The following BAZ2B variants were observed in gnomAD, a reference collection of about 807,000 sequenced individuals.
The protein encoded by BAZ2B is bromodomain adjacent to zinc finger domain protein 2B.
A neutral mutation model predicts 246.0 loss-of-function variants in BAZ2B; 91 were observed. That is an observed-to-expected ratio of 0.37 (90% confidence interval 0.31 to 0.44). The LOEUF (loss-of-function observed/expected upper bound fraction) is 0.44, where lower values mean the gene tolerates loss of function less well. Ranked by LOEUF, BAZ2B falls within the 20% of genes least tolerant of loss-of-function variation. The probability of loss-of-function intolerance (pLI) is 1.00; values close to 1 mark genes in which losing one functional copy is unlikely to be tolerated. For synonymous variants in BAZ2B, 855 were observed against 860.0 expected, an observed-to-expected ratio of 0.99 and a Z score of 0.10; for missense variants, 2,332 against 2,533.7, an observed-to-expected ratio of 0.92 and a Z score of 1.71.
the BAZ2B span, among the ~76,000 whole-genome samples, chr2:159,676,973 T>TAC: frequency 8.0e-6 from 1 of 124,992 alleles, no homozygotes; most frequent in Non-Finnish European, 1.8e-5. Flanking sequence ...TATATATATA[T>TAC]ATATATATAT....
intron 35 of BAZ2B, among the ~76,000 whole-genome samples, 157 bp from the exon 36 acceptor site, chr2:159,325,111 TATATTTTATATATATATATATA>T (rs2063455545): frequency 9.0e-4 from 2 of 2,218 alleles, no homozygotes; most frequent in Non-Finnish European, 1.6e-3. Flanking sequence ...TATATATATA[TATATTTTATATATATATATATA>T]TATATATATA....
At chr2:159,360,526 C>T (rs1272886198) in intron 27 of BAZ2B, among the ~76,000 whole-genome samples, 2 of 152,012 alleles carry the variant, frequency 1.3e-5, no homozygotes, top group Non-Finnish European at 2.9e-5. Context: ...GGCCATATTG[C>T]CCAAAGTAAT....
chr2:159,332,714 T>C (rs1006649754), intron 33 of BAZ2B, 28 bp from the exon 34 acceptor site: 1 of 1,610,960 alleles, frequency 6.2e-7, no homozygotes, highest in Non-Finnish European at 8.5e-7. Flanking sequence ...TCATTTAAAA[T>C]TAACGCTCTG....
intron 3 of BAZ2B, among the ~76,000 whole-genome samples, chr2:159,476,241 C>T (rs2078532800): frequency 6.6e-6 from 1 of 151,816 alleles, no homozygotes; most frequent in African/African-American, 2.4e-5. Context: ...TAAACATGGA[C>T]TACAACACTG....
At chr2:159,344,006 C>T (rs1203715335) in intron 31 of BAZ2B, among the ~76,000 whole-genome samples, 2 of 120,224 alleles carry the variant, frequency 1.7e-5, no homozygotes, top group South Asian at 2.6e-4. Context: ...AGAGCCTGGG[C>T]GACAGAACAA....
chr2:159,517,291 T>G (rs550224759), intron 2 of BAZ2B, among the ~76,000 whole-genome samples: 2 of 152,174 alleles, frequency 1.3e-5, no homozygotes, highest in African/African-American at 4.8e-5. Flanking sequence ...AAACTAAGTT[T>G]CTTTGTCCAT....
At chr2:159,546,159 C>T (rs575269984) in intron 2 of BAZ2B, among the ~76,000 whole-genome samples, 1 of 152,206 alleles carries the variant, frequency 6.6e-6, no homozygotes, top group South Asian at 2.1e-4. Context: ...GGCTGCGTCC[C>T]TGTCCAAATC....
intron 1 of BAZ2B, among the ~76,000 whole-genome samples, chr2:159,613,763 T>C (rs995298304): frequency 1.3e-5 from 2 of 152,174 alleles, no homozygotes; most frequent in African/African-American, 4.8e-5. Context: ...GAACCATCTG[T>C]TCTATGTGCT....
chr2:159,414,238 A>C (rs1010681218), intron 13 of BAZ2B, among the ~76,000 whole-genome samples: 6 of 152,204 alleles, frequency 3.9e-5, no homozygotes, highest in African/African-American at 1.2e-4. Flanking sequence ...ACAGAGATAG[A>C]GAGCAGAATG....
rs1425263437 is a variant in BAZ2B at position 159,385,221 on chromosome 2, G to A, written c.3620C>T (p.Pro1207Leu). 1.2e-6 allele frequency: 2 copies of A among 1,613,472 alleles called. No individual in the cohort carries two copies. Among genetic ancestry groups the A allele is most frequent in the African/African-American group, 2.7e-5 (2 of 74,882 alleles). The change falls in exon 23 of 37, where the codon CCA becomes CTA. Residue 1207 changes from proline (P) to leucine (L), a missense_variant. Around this residue, in one of 9 missense-constraint regions of BAZ2B, gnomAD observed 328 missense variants for 410.4 expected, o/e 0.80. Transcript: ENST00000392783. ...AGCCAGGACTGAAGCTTTCTGTGCT[G>A]GAGTGTGAGCCTGAAAAGCTTTGGT... ...LKTKAFQAHT[P>L]AQKASVLAFL...
At chr2:159,418,232 T>C (rs910289432) in intron 13 of BAZ2B, among the ~76,000 whole-genome samples, 2 of 152,234 alleles carry the variant, frequency 1.3e-5, no homozygotes, top group Non-Finnish European at 2.9e-5. Flanking sequence ...AAGAAAATAT[T>C]TCTTTTTAGT....
chr2:159,608,174 A>G (rs1339706659), intron 1 of BAZ2B, among the ~76,000 whole-genome samples: 2 of 152,198 alleles, frequency 1.3e-5, no homozygotes, highest in African/African-American at 4.8e-5. Context: ...CAGGAGTTCA[A>G]GAGTAACCTG....
In BAZ2B at chr2:159,411,074, C is replaced by T. The variant is rs184662997; in HGVS notation, c.2677+1261G>A. Among the ~76,000 whole-genome samples, 51 of 152,226 alleles carry T rather than the reference C, an allele frequency of 3.4e-4. No homozygotes were observed. The East Asian group carries it at 6.9e-3, about 21-fold the overall frequency. ...TCTCACTCTGTCAGCCAGGCTGAAGCGCAGTGGCATGATCATAGCTCACTG... is the reference window on the plus strand; with the variant it reads ...TCTCACTCTGTCAGCCAGGCTGAAGTGCAGTGGCATGATCATAGCTCACTG... On this transcript the variant is annotated intron_variant, in intron 14 of 36. Coordinates refer to ENST00000392783, the MANE Select transcript of BAZ2B (RefSeq NM_013450.4).
At chr2:159,394,081 G>A (rs1214217683) in intron 20 of BAZ2B, among the ~76,000 whole-genome samples, 2 of 151,558 alleles carry the variant, frequency 1.3e-5, no homozygotes, top group Non-Finnish European at 1.5e-5. Flanking sequence ...TTTCCTCCCT[G>A]CCAAGAAAAA....
the BAZ2B span, among the ~76,000 whole-genome samples, chr2:159,625,905 T>A: frequency 6.6e-6 from 1 of 152,016 alleles, no homozygotes; most frequent in African/African-American, 2.4e-5. Flanking sequence ...TCAAGACCCA[T>A]TGGTGTGCTG....
chr2:159,673,842 C>G, the BAZ2B span, among the ~76,000 whole-genome samples: 2 of 151,786 alleles, frequency 1.3e-5, no homozygotes, highest in African/African-American at 4.8e-5. Context: ...CGCACACACA[C>G]AGAATGAAAA....
chr2:159,366,694 T>A (rs1185892390), intron 27 of BAZ2B, among the ~76,000 whole-genome samples: 1 of 152,228 alleles, frequency 6.6e-6, no homozygotes. Context: ...ATGAGTAATA[T>A]TAGAGAATTG....
chr2:159,666,681 C>T, the BAZ2B span, among the ~76,000 whole-genome samples: 2 of 152,038 alleles, frequency 1.3e-5, no homozygotes, highest in African/African-American at 4.8e-5. Flanking sequence ...CACAACAAAA[C>T]CCCGTCTCTA....
chr2:159,594,135 G>A (rs1243441955), intron 1 of BAZ2B, among the ~76,000 whole-genome samples: 2 of 152,170 alleles, frequency 1.3e-5, no homozygotes, highest in East Asian at 3.8e-4. Context: ...CGGGCGCGGT[G>A]GCTCACTCCT....
Sources: allele counts gnomAD v4.1 joint callset (sites outside exome capture counted in the v4.1 genomes callset), GRCh38; gene constraint gnomAD v4.1.1; regional missense constraint gnomAD v4.1.1; transcripts MANE v1.5; gene names NCBI Gene and HGNC (gene_info 2026-07-23, HGNC 2026-07-21).